DEAF1: variants seen among roughly 807,000 people sequenced by gnomAD.
DEAF1 encodes DEAF1 transcription factor, also known as deformed epidermal autoregulatory factor 1 homolog.
In DEAF1, 53 loss-of-function variants were observed where a neutral mutation model predicts 58.9. The ratio of observed to expected loss-of-function variants is 0.90; its 90% CI spans 0.72 to 1.13. The LOEUF (loss-of-function observed/expected upper bound fraction) is 1.13. Ranked by LOEUF, DEAF1 falls within the 50% of genes most tolerant of loss-of-function variation. DEAF1 has a pLI of 0.00. For synonymous variants in DEAF1, 385 were observed against 340.4 expected, an observed-to-expected ratio of 1.13 and a Z score of -1.44; for missense variants, 685 against 791.4, an observed-to-expected ratio of 0.87 and a Z score of 1.61.
At position 674,557 on chromosome 11, in the gene DEAF1, G is replaced by A. The variant is rs746106689; in HGVS notation, c.1482C>T (p.His494=). ...REAATNQAKI[H]ADAERKEQSC... is the part of the protein sequence containing the mutation. ...TTACCTCCTTCCGCTCTGCGTCAGC[G>A]TGGATCTTGGCCTGGTTTGTGGCAG... is the stretch of plus-strand genomic sequence containing the variant. Residue 494 remains histidine (H), a synonymous_variant, in exon 10 of 12, where the codon CAC becomes CAT. Coordinates refer to ENST00000382409, the MANE Select transcript of DEAF1 (RefSeq NM_021008.4). 4.1e-5 allele frequency: 66 copies of A among 1,614,070 alleles called. No individual in the cohort carries two copies. Among genetic ancestry groups the A allele is most frequent in the East Asian group, 6.7e-5 (3 of 44,880 alleles).
intron 10 of DEAF1, among the ~76,000 whole-genome samples, chr11:672,328 C>T (rs11826755): frequency 0.1 from 1,344 of 13,062 alleles, 337 homozygotes; most frequent in East Asian, 0.68. Flanking sequence ...TGAGAATCAC[C>T]GTTCATTATG....
chr11:704,716 T>C, intron 1 of DEAF1: 1 of 1,195,310 alleles, frequency 8.4e-7, no homozygotes, highest in Non-Finnish European at 1.1e-6. Flanking sequence ...GGGAACGCCA[T>C]GGCTCCAGGT....
intron 1 of DEAF1, among the ~76,000 whole-genome samples, chr11:702,353 G>A (rs1011250073): frequency 4.6e-5 from 7 of 152,238 alleles, no homozygotes; most frequent in African/African-American, 1.7e-4. Context: ...ATCTTCTGGG[G>A]CCTGGGCCTG....
chr11:650,990 T>G (rs1207574039), intron 11 of DEAF1, among the ~76,000 whole-genome samples: 1 of 151,064 alleles, frequency 6.6e-6, no homozygotes, highest in Non-Finnish European at 1.5e-5. Flanking sequence ...TGAGATGGAG[T>G]CTCGCTCTGT....
upstream of DEAF1, chr11:695,730 C>T (rs1206788166): frequency 6.4e-6 from 8 of 1,241,124 alleles, no homozygotes; most frequent in South Asian, 1.8e-4. Flanking sequence ...CGCGGTCGGG[C>T]CCCTTCGTCA....
intron 10 of DEAF1, among the ~76,000 whole-genome samples, chr11:662,204 G>A (rs1332699157): frequency 2.0e-5 from 3 of 152,040 alleles, no homozygotes; most frequent in Non-Finnish European, 4.4e-5. Context: ...GCTTGATCCC[G>A]GGAGGCAGAG....
intron 1 of DEAF1, chr11:700,922 G>A: frequency 1.7e-6 from 1 of 598,104 alleles, no homozygotes; most frequent in South Asian, 2.0e-5. Context: ...GCATCGTTGG[G>A]AGAGACTCTG....
chr11:679,279 C>T (rs377363728), intron 8 of DEAF1, among the ~76,000 whole-genome samples: 1 of 151,344 alleles, frequency 6.6e-6, no homozygotes, highest in East Asian at 1.9e-4. Flanking sequence ...CATGCCACTG[C>T]CCTCCAGCCT....
At chr11:655,818 AC>A (rs1453565717) in intron 10 of DEAF1, among the ~76,000 whole-genome samples, 1 of 144,258 alleles carries the variant, frequency 6.9e-6, no homozygotes, top group East Asian at 2.2e-4. Context: ...CCCTGCCTCT[AC>A]TTTATTTATT....
chr11:669,747 T>A (rs1274371227), intron 10 of DEAF1, among the ~76,000 whole-genome samples: 1 of 150,514 alleles, frequency 6.6e-6, no homozygotes, highest in African/African-American at 2.4e-5. Flanking sequence ...CTGACAAACA[T>A]GGTGAAACCT....
intron 11 of DEAF1, among the ~76,000 whole-genome samples, chr11:645,674 G>A (rs962471667): frequency 5.9e-5 from 9 of 152,166 alleles, no homozygotes; most frequent in Admixed American, 6.5e-5. Flanking sequence ...GCCCGTGGCT[G>A]CAGAGAAAGG....
intron 11 of DEAF1, among the ~76,000 whole-genome samples, chr11:645,160 C>CG (rs758650261): frequency 2.0e-5 from 2 of 101,048 alleles, no homozygotes; most frequent in Non-Finnish European, 3.9e-5. Flanking sequence ...AACTCCATAT[C>CG]AAAAAAAAAA....
chr11:648,512 G>C (rs1247473545), intron 11 of DEAF1, among the ~76,000 whole-genome samples: 2 of 152,130 alleles, frequency 1.3e-5, no homozygotes, highest in Non-Finnish European at 2.9e-5. Context: ...GCTTTTTAAA[G>C]AACAGGATCT....
chr11:657,530 C>T (rs968778156), intron 10 of DEAF1, among the ~76,000 whole-genome samples: 1 of 152,168 alleles, frequency 6.6e-6, no homozygotes. Context: ...TATTCCAGAT[C>T]CTCCCGTCTA....
intron 10 of DEAF1, 71 bp from the exon 11 acceptor site, chr11:654,122 G>A (rs569404063): frequency 1.9e-5 from 24 of 1,271,722 alleles, no homozygotes; most frequent in South Asian, 1.6e-4. Flanking sequence ...GGGGACAGAG[G>A]CAGGTGCAGG....
Position 654,008 on chromosome 11 carries a change from G to A in DEAF1, c.1547C>T (p.Thr516Ile). 2 of 1,613,840 alleles carry A rather than the reference G, an allele frequency of 1.2e-6. No individual in the cohort carries two copies. The highest frequency in any genetic ancestry group is 1.7e-6 in the Non-Finnish European group (2 of 1,179,984). ...GCAGTAGTTGACCTTGTGGCAGCCG[G>A]TGCACTCGCTCATAGCCTCCCGGCC... ...NCGREAMSEC[T>I]GCHKVNYCST... Residue 516 changes from threonine (T) to isoleucine (I), a missense_variant, in exon 11 of 12, where the codon ACC becomes ATC. Thr to Ile is a moderately conservative substitution (Grantham distance 89). This residue lies in a region of DEAF1 where 343 missense variants were observed against 379.8 expected (regional missense o/e 0.90). Coordinates refer to ENST00000382409, the MANE Select transcript of DEAF1 (RefSeq NM_021008.4).
chr11:649,655 G>GGCTGCAGTGAGCCGAGATT (rs1858672482), intron 11 of DEAF1, among the ~76,000 whole-genome samples: 2 of 152,184 alleles, frequency 1.3e-5, no homozygotes, highest in East Asian at 3.9e-4. Flanking sequence ...AGGAGGTGGA[G>GGCTGCAGTGAGCCGAGATT]GCTGCAGTGA....
upstream of DEAF1, chr11:695,509 G>C (rs568522127): frequency 9.3e-6 from 9 of 967,918 alleles, no homozygotes; most frequent in Non-Finnish European, 6.7e-6. Flanking sequence ...CTGCCTCTCA[G>C]AGAGAGCTTA....
chr11:674,779 C>T lies in DEAF1; in HGVS notation c.1260G>A (p.Leu420=). Residue 420 remains leucine (L), a synonymous_variant, in exon 10 of 12, where the codon TTG becomes TTA. Coordinates refer to ENST00000382409, the MANE Select transcript of DEAF1 (RefSeq NM_021008.4). ...GGACCGCCAGCGCAGGCAGGGATGTCAACACTAGAGCATTTGGAAAGCAAA... is the reference window on the plus strand; with the variant it reads ...GGACCGCCAGCGCAGGCAGGGATGTTAACACTAGAGCATTTGGAAAGCAAA... ...ALPTSHPKIV[L]TSLPALAVPP... The T allele has an allele frequency of 6.2e-7, 1 of 1,611,596 alleles. No individual in the cohort carries two copies. Among genetic ancestry groups the T allele is most frequent in the African/African-American group, 1.3e-5 (1 of 75,040 alleles).
Sources: gnomAD v4.1 joint callset for allele counts (sites outside exome capture counted in the v4.1 genomes callset) on GRCh38, gnomAD v4.1.1 for gene constraint, gnomAD v4.1.1 regional missense constraint, MANE v1.5 for transcripts, NCBI Gene and HGNC (gene_info 2026-07-23, HGNC 2026-07-21) for gene names.